The following GRIK2 variants were observed in gnomAD, a reference collection of about 807,000 sequenced individuals.
GRIK2 encodes the protein glutamate receptor ionotropic, kainate 2.
A neutral mutation model predicts 100.3 loss-of-function variants in GRIK2; 32 were observed. The observed-to-expected ratio is 0.32, with a 90% CI of 0.24 to 0.43. The LOEUF is 0.43. Among genes scored for constraint, GRIK2 ranks in the 20% least tolerant of loss-of-function variants. GRIK2 has a pLI of 1.00. For missense variants in GRIK2, 843 were observed against 1,114.9 expected, an observed-to-expected ratio of 0.76 and a Z score of 3.47; for synonymous variants, 417 against 389.4, an observed-to-expected ratio of 1.07 and a Z score of -0.83.
intron 2 of GRIK2, among the ~76,000 whole-genome samples, chr6:101,479,485 A>G (rs1772414745): frequency 6.6e-6 from 1 of 152,296 alleles, no homozygotes; most frequent in Non-Finnish European, 1.5e-5. Flanking sequence ...TTAGGTGATA[A>G]AACTTTAATT....
chr6:101,462,935 T>G (rs909857397), intron 2 of GRIK2, among the ~76,000 whole-genome samples: 13 of 152,136 alleles, frequency 8.5e-5, no homozygotes, highest in Non-Finnish European at 1.6e-4. Context: ...TGAGTTATGC[T>G]GAGAAAAATC....
At chr6:101,697,157 G>A (rs979719703) in intron 7 of GRIK2, among the ~76,000 whole-genome samples, 5 of 151,948 alleles carry the variant, frequency 3.3e-5, no homozygotes, top group Non-Finnish European at 4.4e-5. Context: ...TCACATATAA[G>A]ATGATGAAAA....
At position 101,622,048 on chromosome 6, in the gene GRIK2, C is replaced by G. The variant is rs780355549; in HGVS notation, c.215C>G (p.Pro72Arg). 1.2e-6 allele frequency: 2 copies of G among 1,601,648 alleles called. No homozygotes were observed. Among genetic ancestry groups the G allele is most frequent in the African/African-American group, 1.3e-5 (1 of 74,744 alleles). ...ATTAACAGAAACAGAACATTGCTAC[C>G]CAATACTACCCTTACCTATGATACC... Reference protein sequence around the residue: ...NTINRNRTLLPNTTLTYDTQK... With the variant: ...NTINRNRTLLRNTTLTYDTQK... Residue 72 changes from proline (P) to arginine (R), a missense_variant, in exon 3 of 17, where the codon CCC (proline) becomes CGC (arginine). Coordinates refer to ENST00000369134, the MANE Select transcript of GRIK2 (RefSeq NM_021956.5).
chr6:101,955,576 T>TTTCTCTCTCTCTCTC (rs1491467842), intron 14 of GRIK2, among the ~76,000 whole-genome samples: 3 of 116,346 alleles, frequency 2.6e-5, no homozygotes, highest in African/African-American at 3.8e-5. Context: ...GAGCAAGGCC[T>TTTCTCTCTCTCTCTC]TCTCTCTCTC....
At chr6:101,773,650 T>G (rs1030595284) in intron 7 of GRIK2, among the ~76,000 whole-genome samples, 2 of 152,124 alleles carry the variant, frequency 1.3e-5, no homozygotes, top group African/African-American at 4.8e-5. Flanking sequence ...ATACTTGAGA[T>G]TTTCAGTTAA....
At chr6:101,928,328 G>C in intron 13 of GRIK2, 87 bp from the exon 14 acceptor site, 1 of 743,142 alleles carries the variant, frequency 1.3e-6, no homozygotes, top group South Asian at 1.5e-5. Flanking sequence ...ATTACACAGT[G>C]ATTCCATTCT....
At chr6:101,530,828 AG>A (rs748695316) in intron 2 of GRIK2, among the ~76,000 whole-genome samples, 1 of 152,056 alleles carries the variant, frequency 6.6e-6, no homozygotes, top group Non-Finnish European at 1.5e-5. Context: ...AAAGTGCAGC[AG>A]AGACACCATA....
chr6:101,929,665 T>C (rs1350817344), intron 14 of GRIK2, among the ~76,000 whole-genome samples: 1 of 152,156 alleles, frequency 6.6e-6, no homozygotes, highest in Non-Finnish European at 1.5e-5. Context: ...TTTATGTGAC[T>C]TAAGTCAGTA....
At chr6:101,746,579 A>T (rs1166349205) in intron 7 of GRIK2, among the ~76,000 whole-genome samples, 2 of 152,050 alleles carry the variant, frequency 1.3e-5, no homozygotes, top group African/African-American at 4.8e-5. Context: ...AGCTCACCTC[A>T]GCCTCCCAAA....
In GRIK2 at chr6:101,769,320, T is replaced by C. The variant is rs1778253921; in HGVS notation, c.952-30328T>C. Among the ~76,000 whole-genome samples the C allele has an allele frequency of 2.0e-5, 3 of 152,318 alleles. No individual in the cohort carries two copies. In the East Asian group the frequency reaches 5.8e-4, roughly 29 times the overall value. On this transcript the variant is annotated intron_variant, in intron 7 of 16. Transcript: ENST00000369134. The stretch of plus-strand genomic sequence containing the variant: ...TTCAAAATGCAATAGAATGTGTATA[T>C]TCATTGGGTAGCCTTTAAGAGGTCA...
At chr6:101,643,087 G>T (rs1241339979) in intron 4 of GRIK2, among the ~76,000 whole-genome samples, 1 of 151,436 alleles carries the variant, frequency 6.6e-6, no homozygotes, top group Non-Finnish European at 1.5e-5. Flanking sequence ...TTCATTGGTT[G>T]TTGAGTTTCA....
intron 12 of GRIK2, among the ~76,000 whole-genome samples, chr6:101,909,451 C>A (rs1395731677): frequency 7.6e-6 from 1 of 130,990 alleles, no homozygotes; most frequent in Non-Finnish European, 1.6e-5. Flanking sequence ...GAAGTTGGAA[C>A]AGTTCTATTT....
At chr6:101,557,819 A>C (rs902562533) in intron 2 of GRIK2, among the ~76,000 whole-genome samples, 2 of 152,114 alleles carry the variant, frequency 1.3e-5, no homozygotes, top group African/African-American at 4.8e-5. Context: ...TGCCTTCTTT[A>C]TCTCTCCCTA....
intron 11 of GRIK2, among the ~76,000 whole-genome samples, chr6:101,883,942 T>A (rs1255654714): frequency 6.6e-6 from 1 of 152,124 alleles, no homozygotes; most frequent in Non-Finnish European, 1.5e-5. Flanking sequence ...AAAGTGGTAA[T>A]CTGGTATGTG....
chr6:101,838,902 G>A (rs1003678705), intron 10 of GRIK2, among the ~76,000 whole-genome samples: 2 of 151,968 alleles, frequency 1.3e-5, no homozygotes, highest in African/African-American at 4.8e-5. Context: ...AACCACCTAC[G>A]TTGGCCTTCT....
chr6:101,735,625 C>T (rs1332001276), intron 7 of GRIK2, among the ~76,000 whole-genome samples: 1 of 152,120 alleles, frequency 6.6e-6, no homozygotes, highest in Non-Finnish European at 1.5e-5. Flanking sequence ...ATCATGAAAA[C>T]AATATGTGAA....
intron 7 of GRIK2, among the ~76,000 whole-genome samples, chr6:101,751,403 C>T (rs1329594843): frequency 6.6e-6 from 1 of 152,028 alleles, no homozygotes; most frequent in Non-Finnish European, 1.5e-5. Context: ...TCTCACTTTA[C>T]TTTTCCATTT....
At chr6:101,479,081 T>TTC (rs1772398118) in intron 2 of GRIK2, among the ~76,000 whole-genome samples, 1 of 152,178 alleles carries the variant, frequency 6.6e-6, no homozygotes, top group East Asian at 1.9e-4. Flanking sequence ...TGACAGCTTG[T>TTC]TCTCATTTTA....
intron 14 of GRIK2, among the ~76,000 whole-genome samples, chr6:101,977,068 G>A (rs1793431216): frequency 6.6e-6 from 1 of 151,880 alleles, no homozygotes; most frequent in African/African-American, 2.4e-5. Context: ...AAATGAGTGA[G>A]GAAGTAACCA....
Sources: allele counts gnomAD v4.1 joint callset (sites outside exome capture counted in the v4.1 genomes callset), GRCh38; gene constraint gnomAD v4.1.1; transcripts MANE v1.5; gene names NCBI Gene and HGNC (gene_info 2026-07-23, HGNC 2026-07-21).